Variants in LRRC4C observed in about 807,000 individuals in gnomAD.
LRRC4C encodes leucine-rich repeat-containing protein 4C.
In LRRC4C, 5 loss-of-function variants were observed where a neutral mutation model predicts 33.6. The observed-to-expected ratio is 0.15, with a 90% confidence interval of 0.08 to 0.31. The LOEUF is 0.31. LRRC4C is among the 10% of genes least tolerant of loss of function. The pLI, the probability that LRRC4C is intolerant of heterozygous loss-of-function variation, is 1.00. For missense variants in LRRC4C, 560 were observed against 796.7 expected (o/e 0.70, Z 3.58); for synonymous variants, 329 against 302.0 (o/e 1.09, Z -0.93).
intron 1 of LRRC4C, among the ~76,000 whole-genome samples, chr11:41,097,455 C>T (rs937282487): frequency 2.0e-5 from 3 of 152,022 alleles, no homozygotes; most frequent in East Asian, 1.9e-4. Flanking sequence ...TGAACACCAC[C>T]CTAGTACAAA....
At chr11:40,400,231 G>A (rs536809434) in intron 3 of LRRC4C, among the ~76,000 whole-genome samples, 3 of 152,184 alleles carry the variant, frequency 2.0e-5, no homozygotes, top group South Asian at 4.1e-4. Context: ...ACTCGGATGC[G>A]GTTGCAGCAT....
chr11:41,041,240 G>C (rs1431621205), intron 1 of LRRC4C, among the ~76,000 whole-genome samples: 4 of 152,076 alleles, frequency 2.6e-5, no homozygotes, highest in African/African-American at 9.7e-5. Flanking sequence ...ATAGTTACTG[G>C]TCCCAAGTAA....
intron 1 of LRRC4C, among the ~76,000 whole-genome samples, chr11:41,268,629 T>A (rs1208711062): frequency 6.6e-6 from 1 of 152,132 alleles, no homozygotes; most frequent in Non-Finnish European, 1.5e-5. Flanking sequence ...AATCCCTTTA[T>A]CCACATAATT....
chr11:40,437,812 A>G (rs1951208357), intron 3 of LRRC4C, among the ~76,000 whole-genome samples: 1 of 152,078 alleles, frequency 6.6e-6, no homozygotes, highest in Non-Finnish European at 1.5e-5. Flanking sequence ...GGTTCGAACA[A>G]TTCTCCTGCC....
At chr11:40,651,325 T>C (rs1195269008) in intron 2 of LRRC4C, among the ~76,000 whole-genome samples, 3 of 150,566 alleles carry the variant, frequency 2.0e-5, no homozygotes, top group Non-Finnish European at 4.4e-5. Context: ...TAAGAAAACA[T>C]AGTAGAACTA....
chr11:40,824,092 G>A (rs951624349), intron 2 of LRRC4C, among the ~76,000 whole-genome samples: 6 of 151,856 alleles, frequency 4.0e-5, no homozygotes, highest in African/African-American at 1.4e-4. Flanking sequence ...CCAAAAAAAG[G>A]AAAATTTATA....
intron 1 of LRRC4C, among the ~76,000 whole-genome samples, chr11:41,018,114 C>A (rs1023730685): frequency 3.9e-5 from 6 of 152,030 alleles, no homozygotes; most frequent in Non-Finnish European, 8.8e-5. Context: ...TTATTTATTT[C>A]TCCCATTAAG....
chr11:40,449,549 C>T (rs1951796434), intron 3 of LRRC4C, among the ~76,000 whole-genome samples: 1 of 152,084 alleles, frequency 6.6e-6, no homozygotes, highest in South Asian at 2.1e-4. Context: ...CCGAGGCCCC[C>T]AAAGTTAAGG....
intron 5 of LRRC4C, among the ~76,000 whole-genome samples, chr11:40,143,557 G>A (rs1857517868): frequency 6.6e-6 from 1 of 151,982 alleles, no homozygotes; most frequent in South Asian, 2.1e-4. Flanking sequence ...CCTTCACCCA[G>A]ACAGACCTAT....
chr11:41,169,643 A>T (rs1318418333), intron 1 of LRRC4C, among the ~76,000 whole-genome samples: 1 of 152,186 alleles, frequency 6.6e-6, no homozygotes, highest in Non-Finnish European at 1.5e-5. Flanking sequence ...TTTTGGCATG[A>T]TCTTTTCAAT....
At chr11:40,911,519 G>C (rs2136273780) in intron 2 of LRRC4C, among the ~76,000 whole-genome samples, 1 of 152,152 alleles carries the variant, frequency 6.6e-6, no homozygotes, top group East Asian at 1.9e-4. Context: ...CAAACAGAAA[G>C]GACATCCACA....
At chr11:41,091,244 G>A (rs1245769024) in intron 1 of LRRC4C, among the ~76,000 whole-genome samples, 2 of 151,768 alleles carry the variant, frequency 1.3e-5, no homozygotes, top group Admixed American at 1.3e-4. Flanking sequence ...TTAGTGATAT[G>A]TTTCATTAAA....
chr11:40,678,914 A>G (rs1049950394), intron 2 of LRRC4C, among the ~76,000 whole-genome samples: 7 of 152,122 alleles, frequency 4.6e-5, no homozygotes, highest in African/African-American at 1.7e-4. Context: ...CAACTTTGGA[A>G]CTGGGTAACA....
chr11:41,124,561 G>A (rs917891565), intron 1 of LRRC4C, among the ~76,000 whole-genome samples: 1 of 150,966 alleles, frequency 6.6e-6, no homozygotes, highest in Non-Finnish European at 1.5e-5. Flanking sequence ...TCTGCTCTCA[G>A]ATTCTACACT....
intron 1 of LRRC4C, among the ~76,000 whole-genome samples, chr11:41,165,799 G>T (rs1050560393): frequency 6.6e-6 from 1 of 152,110 alleles, no homozygotes; most frequent in Non-Finnish European, 1.5e-5. Flanking sequence ...GGAGGCCGAG[G>T]TGGGTGGACC....
intron 2 of LRRC4C, among the ~76,000 whole-genome samples, chr11:40,931,490 A>G (rs1957620960): frequency 6.6e-6 from 1 of 151,986 alleles, no homozygotes; most frequent in East Asian, 1.9e-4. Context: ...CTTTTGTGAG[A>G]ATGTTAGCTT....
chr11:40,960,627 C>G (rs545302994), intron 1 of LRRC4C, among the ~76,000 whole-genome samples: 1 of 151,804 alleles, frequency 6.6e-6, no homozygotes, highest in African/African-American at 2.4e-5. Context: ...AGACTATGTT[C>G]TAGCACAGAA....
intron 6 of LRRC4C, among the ~76,000 whole-genome samples, chr11:40,128,734 G>C (rs1364682070): frequency 6.6e-6 from 1 of 151,986 alleles, no homozygotes; most frequent in East Asian, 1.9e-4. Flanking sequence ...ATTCAGCCTT[G>C]TTCCCGCCTC....
intron 1 of LRRC4C, among the ~76,000 whole-genome samples, chr11:41,410,428 TC>T (rs1954424656): frequency 6.6e-6 from 1 of 151,226 alleles, no homozygotes; most frequent in South Asian, 2.1e-4. Flanking sequence ...TTTTTTTTTT[TC>T]GAGACGTTGT....
Sources: gnomAD v4.1 joint callset for allele counts (sites outside exome capture counted in the v4.1 genomes callset) on GRCh38, gnomAD v4.1.1 for gene constraint, MANE v1.5 for transcripts, NCBI Gene and HGNC (gene_info 2026-07-23, HGNC 2026-07-21) for gene names.